MAGI2: variants seen among roughly 807,000 people sequenced by gnomAD.
MAGI2 encodes the protein membrane associated guanylate kinase, WW and PDZ domain containing 2.
A neutral mutation model predicts 133.3 loss-of-function variants in MAGI2; 35 were observed. That is an observed-to-expected ratio of 0.26 (90% CI 0.20 to 0.35). The LOEUF is 0.35. MAGI2 is among the 10% of genes least tolerant of loss of function. The pLI, the probability that MAGI2 is intolerant of heterozygous loss-of-function variation, is 1.00. For synonymous variants in MAGI2, 729 were observed against 710.6 expected (o/e 1.03, Z -0.41); for missense variants, 1,636 against 1,863.4 (o/e 0.88, Z 2.25).
chr7:78,951,377 C>T (rs748528602), intron 2 of MAGI2, among the ~76,000 whole-genome samples: 2 of 152,240 alleles, frequency 1.3e-5, no homozygotes, highest in Admixed American at 6.5e-5. Context: ...AATTGACTCA[C>T]GTTCTGCATG....
At chr7:79,000,648 G>A (rs1007279113) in intron 2 of MAGI2, among the ~76,000 whole-genome samples, 1 of 152,114 alleles carries the variant, frequency 6.6e-6, no homozygotes, top group Non-Finnish European at 1.5e-5. Flanking sequence ...TTCTTAACAG[G>A]AGATGGTTTC....
At chr7:78,052,168 T>C (rs1057490156) in intron 21 of MAGI2, among the ~76,000 whole-genome samples, 2 of 151,998 alleles carry the variant, frequency 1.3e-5, no homozygotes, top group Non-Finnish European at 2.9e-5. Flanking sequence ...CAGCTGTTAG[T>C]TTGGATTTTT....
At chr7:78,081,142 C>T (rs73362647) in intron 20 of MAGI2, among the ~76,000 whole-genome samples, 19 of 152,192 alleles carry the variant, frequency 1.2e-4, no homozygotes, top group African/African-American at 4.1e-4. Context: ...CCTATGGGTG[C>T]CTTCCTCGAC....
At chr7:78,725,316 A>G (rs932862163) in intron 2 of MAGI2, among the ~76,000 whole-genome samples, 1 of 152,236 alleles carries the variant, frequency 6.6e-6, no homozygotes, top group Non-Finnish European at 1.5e-5. Flanking sequence ...AAAAAAATTT[A>G]AAAAATGACC....
At chr7:78,912,754 TATATATATCATTC>T (rs1798498188) in intron 2 of MAGI2, among the ~76,000 whole-genome samples, 1 of 147,842 alleles carries the variant, frequency 6.8e-6, no homozygotes, top group African/African-American at 2.5e-5. Flanking sequence ...CATTCATATA[TATATATATCATTC>T]ATATATATAT....
At chr7:78,351,469 G>A (rs1416374541) in intron 7 of MAGI2, among the ~76,000 whole-genome samples, 1 of 151,874 alleles carries the variant, frequency 6.6e-6, no homozygotes, top group African/African-American at 2.4e-5. Context: ...CATTAGACAA[G>A]CAGCAACTCA....
chr7:79,452,930 C>T, intron 1 of MAGI2, 90 bp downstream of exon 1: 2 of 1,387,232 alleles, frequency 1.4e-6, no homozygotes, highest in East Asian at 2.3e-5. Context: ...GCAACACACC[C>T]CCTTCAACAT....
chr7:78,716,740 CA>C (rs1563400212), intron 2 of MAGI2, among the ~76,000 whole-genome samples: 1 of 151,866 alleles, frequency 6.6e-6, no homozygotes, highest in Admixed American at 6.6e-5. Context: ...GAGTAAAAAA[CA>C]AAAAAGTTGT....
chr7:79,306,430 G>A (rs1837820452), intron 1 of MAGI2, among the ~76,000 whole-genome samples: 1 of 151,000 alleles, frequency 6.6e-6, no homozygotes, highest in Non-Finnish European at 1.5e-5. Flanking sequence ...CCAAAATATT[G>A]GGATTACCAG....
chr7:79,076,943 T>A (rs1815517156), intron 1 of MAGI2, among the ~76,000 whole-genome samples: 1 of 152,206 alleles, frequency 6.6e-6, no homozygotes, highest in Non-Finnish European at 1.5e-5. Flanking sequence ...GGTTACTACA[T>A]CCCAAAATGA....
At chr7:78,681,057 G>C (rs147085981) in intron 2 of MAGI2, among the ~76,000 whole-genome samples, 1 of 152,232 alleles carries the variant, frequency 6.6e-6, no homozygotes, top group African/African-American at 2.4e-5. Flanking sequence ...GGATTATCCT[G>C]CTCATTGCAG....
intron 9 of MAGI2, among the ~76,000 whole-genome samples, chr7:78,265,849 A>G (rs1174856301): frequency 6.6e-6 from 1 of 152,230 alleles, no homozygotes; most frequent in Non-Finnish European, 1.5e-5. Context: ...GCATGGCATG[A>G]CCTGTCGCCA....
intron 12 of MAGI2, among the ~76,000 whole-genome samples, chr7:78,194,369 T>C (rs1005588619): frequency 6.6e-6 from 1 of 152,192 alleles, no homozygotes. Context: ...CAGAAAACTG[T>C]GGCAGAGATG....
chr7:78,477,936 T>TA (rs1428836613), intron 6 of MAGI2, among the ~76,000 whole-genome samples: 1 of 151,754 alleles, frequency 6.6e-6, no homozygotes, highest in African/African-American at 2.4e-5. Context: ...TTTATTTTTT[T>TA]ATTATACTTT....
At chr7:78,878,614 A>G (rs1795608846) in intron 2 of MAGI2, among the ~76,000 whole-genome samples, 1 of 152,230 alleles carries the variant, frequency 6.6e-6, no homozygotes, top group South Asian at 2.1e-4. Context: ...TTTTATTACC[A>G]ATAAAAAATA....
intron 9 of MAGI2, among the ~76,000 whole-genome samples, chr7:78,296,393 C>T (rs1276297007): frequency 6.6e-6 from 1 of 152,174 alleles, no homozygotes; most frequent in Non-Finnish European, 1.5e-5. Flanking sequence ...GCCCTTGCCT[C>T]ACACCTTTTA....
chr7:79,244,868 G>A lies in MAGI2; in HGVS notation c.301+208152C>T, dbSNP rs138310231. Among the ~76,000 whole-genome samples, 610 of 152,308 alleles carry A rather than the reference G, an allele frequency of 4.0e-3. 3 individuals carry two copies. The highest frequency in any genetic ancestry group is 0.014 in the African/African-American group (582 of 41,560). On this transcript the variant is annotated intron_variant, in intron 1 of 21. Coordinates refer to ENST00000354212, the MANE Select transcript of MAGI2 (RefSeq NM_012301.4). ...CAGACTCCTTCCTTTCACTTGAGGA[G>A]TGGGGAGAGTAAAGAGGACTTTGTC...
At chr7:79,436,687 C>A (rs1848168562) in intron 1 of MAGI2, among the ~76,000 whole-genome samples, 2 of 151,924 alleles carry the variant, frequency 1.3e-5, no homozygotes, top group South Asian at 4.2e-4. Flanking sequence ...ATTAAAAAGT[C>A]AAAAAATAAC....
At chr7:78,673,968 A>G (rs1814700896) in intron 2 of MAGI2, among the ~76,000 whole-genome samples, 1 of 152,180 alleles carries the variant, frequency 6.6e-6, no homozygotes, top group Non-Finnish European at 1.5e-5. Context: ...TGTAGTTAAT[A>G]TTATGTATAA....
Sources: gnomAD v4.1 joint callset for allele counts (sites outside exome capture counted in the v4.1 genomes callset) on GRCh38, gnomAD v4.1.1 for gene constraint, MANE v1.5 for transcripts, NCBI Gene and HGNC (gene_info 2026-07-23, HGNC 2026-07-21) for gene names.